The following C7orf78 variants were observed in gnomAD, a reference collection of about 807,000 sequenced individuals.
The protein encoded by C7orf78 is chromosome 7 open reading frame 78.
At chr7:12,514,084 A>C in the C7orf78 span, among the ~76,000 whole-genome samples, 1 of 152,158 alleles carries the variant, frequency 6.6e-6, no homozygotes, top group Non-Finnish European at 1.5e-5. Context: ...GGTTCATTTA[A>C]ATTCAATGTT....
chr7:12,525,766 C>A, the C7orf78 span: 2 of 394,702 alleles, frequency 5.1e-6, no homozygotes, highest in East Asian at 7.2e-5. Context: ...ACTCCAACTA[C>A]AATGAGAAAC....
chr7:12,531,597 A>G, the C7orf78 span, among the ~76,000 whole-genome samples: 1 of 152,166 alleles, frequency 6.6e-6, no homozygotes, highest in African/African-American at 2.4e-5. Context: ...TATTACTATT[A>G]TTGTTAATGA....
At chr7:12,521,371 C>T in the C7orf78 span, among the ~76,000 whole-genome samples, 1 of 151,276 alleles carries the variant, frequency 6.6e-6, no homozygotes, top group East Asian at 1.9e-4. Flanking sequence ...TTCTCTTTTT[C>T]ATTTGTGTAT....
At chr7:12,530,544 T>A in the C7orf78 span, 5 of 152,156 alleles carry the variant, frequency 3.3e-5, no homozygotes, top group South Asian at 1.0e-3. Context: ...GGTATAATGA[T>A]CCATGTCCCA....
chr7:12,510,870 T>C, the C7orf78 span, among the ~76,000 whole-genome samples: 1 of 152,220 alleles, frequency 6.6e-6, no homozygotes, highest in Admixed American at 6.5e-5. Flanking sequence ...TTTATTTTGC[T>C]GTGCAGAGCC....
the C7orf78 span, among the ~76,000 whole-genome samples, chr7:12,494,174 G>A: frequency 6.6e-6 from 1 of 152,202 alleles, no homozygotes; most frequent in South Asian, 2.1e-4. Flanking sequence ...CCAAGAGGCT[G>A]AAAGGTGAGG....
At chr7:12,524,646 C>G in the C7orf78 span, among the ~76,000 whole-genome samples, 1 of 151,954 alleles carries the variant, frequency 6.6e-6, no homozygotes, top group Non-Finnish European at 1.5e-5. Flanking sequence ...AGTTCGAGAC[C>G]AGCCTAACCA....
chr7:12,535,853 A>G, the C7orf78 span, among the ~76,000 whole-genome samples: 5 of 152,228 alleles, frequency 3.3e-5, no homozygotes, highest in African/African-American at 9.6e-5. Flanking sequence ...TTAAAGCTTC[A>G]AAATGATCTC....
the C7orf78 span, among the ~76,000 whole-genome samples, chr7:12,495,838 G>C: frequency 3.3e-5 from 5 of 152,168 alleles, no homozygotes; most frequent in South Asian, 1.0e-3. Context: ...GTTCCTTAAT[G>C]CCTAGAAATA....
chr7:12,508,169 T>C, the C7orf78 span, among the ~76,000 whole-genome samples: 2 of 152,236 alleles, frequency 1.3e-5, no homozygotes, highest in African/African-American at 4.8e-5. Flanking sequence ...CATTTAGTTT[T>C]GTGACAGGGC....
At chr7:12,504,169 G>A in the C7orf78 span, among the ~76,000 whole-genome samples, 1 of 152,104 alleles carries the variant, frequency 6.6e-6, no homozygotes, top group Non-Finnish European at 1.5e-5. Context: ...CAAAAGGTGA[G>A]TTCTCAAGAC....
At chr7:12,496,494 G>A in the C7orf78 span, 26 of 152,278 alleles carry the variant, frequency 1.7e-4, no homozygotes, top group African/African-American at 6.3e-4. Context: ...GTCATCAAGG[G>A]TTAGTAATGA....
the C7orf78 span, among the ~76,000 whole-genome samples, chr7:12,527,307 A>G: frequency 7.9e-6 from 1 of 126,426 alleles, no homozygotes; most frequent in Non-Finnish European, 1.6e-5. Context: ...AATGCCATCT[A>G]GCTGTGTAAT....
chr7:12,505,643 C>G, the C7orf78 span, among the ~76,000 whole-genome samples: 1 of 152,260 alleles, frequency 6.6e-6, no homozygotes, highest in African/African-American at 2.4e-5. Context: ...TTTATAAAAG[C>G]AACATTTACT....
chr7:12,516,236 A>G, the C7orf78 span, among the ~76,000 whole-genome samples: 2 of 152,218 alleles, frequency 1.3e-5, no homozygotes, highest in South Asian at 2.1e-4. Flanking sequence ...TAAGGGGCCA[A>G]TGTAGAGCTT....
chr7:12,499,749 C>G, the C7orf78 span, among the ~76,000 whole-genome samples: 1 of 151,110 alleles, frequency 6.6e-6, no homozygotes, highest in Non-Finnish European at 1.5e-5. Flanking sequence ...ATCTACAGAA[C>G]TCTCCACCCC....
At chr7:12,535,819 G>A in the C7orf78 span, among the ~76,000 whole-genome samples, 3 of 152,180 alleles carry the variant, frequency 2.0e-5, no homozygotes, top group Non-Finnish European at 1.5e-5. Flanking sequence ...ATGCAAGTCC[G>A]AAATGCAGCA....
the C7orf78 span, among the ~76,000 whole-genome samples, chr7:12,526,551 T>A: frequency 1.1e-3 from 173 of 152,288 alleles, 2 homozygotes; most frequent in Middle Eastern, 0.02. Context: ...GAGATCACAG[T>A]TACATTTTAT....
At chr7:12,537,877 A>T in the C7orf78 span, among the ~76,000 whole-genome samples, 4 of 152,194 alleles carry the variant, frequency 2.6e-5, no homozygotes, top group Non-Finnish European at 5.9e-5. Flanking sequence ...GGAGTTTTTT[A>T]AAAGCCAGAT....
Sources: gnomAD v4.1 joint callset for allele counts (sites outside exome capture counted in the v4.1 genomes callset) on GRCh38, gnomAD v4.1.1 for gene constraint, MANE v1.5 for transcripts, NCBI Gene and HGNC (gene_info 2026-07-23, HGNC 2026-07-21) for gene names.